CSGALNACT1: variants seen among roughly 807,000 people sequenced by gnomAD.
The protein encoded by CSGALNACT1 is beta4GalNAcT-1.
Under a neutral mutation model 51.0 loss-of-function variants are expected in CSGALNACT1, and 52 were observed. That is an observed-to-expected ratio of 1.02 (90% CI 0.82 to 1.29). The LOEUF is 1.29. Ranked by LOEUF, CSGALNACT1 falls within the 50% of genes most tolerant of loss-of-function variation. The pLI, the probability that CSGALNACT1 is intolerant of heterozygous loss-of-function variation, is 0.00. For synonymous variants in CSGALNACT1, 341 were observed against 254.4 expected, an observed-to-expected ratio of 1.34 and a Z score of -3.24; for missense variants, 935 against 679.2, an observed-to-expected ratio of 1.38 and a Z score of -4.19.
chr8:19,755,704 A>G (rs1325998495), intron 1 of CSGALNACT1, among the ~76,000 whole-genome samples: 1 of 152,180 alleles, frequency 6.6e-6, no homozygotes, highest in African/African-American at 2.4e-5. Context: ...CAAAGACACA[A>G]GCTCACTGCA....
At chr8:19,423,768 A>G (rs1280611714) in intron 6 of CSGALNACT1, among the ~76,000 whole-genome samples, 1 of 152,194 alleles carries the variant, frequency 6.6e-6, no homozygotes, top group East Asian at 1.9e-4. Context: ...GCAAAAGGCA[A>G]TTTGCTTCCT....
chr8:19,492,874 T>C (rs2074657290), intron 4 of CSGALNACT1, among the ~76,000 whole-genome samples: 1 of 152,200 alleles, frequency 6.6e-6, no homozygotes, highest in South Asian at 2.1e-4. Flanking sequence ...GTTTTGTCTG[T>C]TAAACTAATC....
intron 3 of CSGALNACT1, among the ~76,000 whole-genome samples, chr8:19,577,904 T>G (rs2044644272): frequency 6.6e-6 from 1 of 152,148 alleles, no homozygotes; most frequent in Admixed American, 6.5e-5. Context: ...TCACATCACA[T>G]GAGACATCAG....
At chr8:19,527,604 C>T (rs538938586) in intron 3 of CSGALNACT1, among the ~76,000 whole-genome samples, 1 of 152,036 alleles carries the variant, frequency 6.6e-6, no homozygotes, top group Non-Finnish European at 1.5e-5. Context: ...AGTGAGACTC[C>T]ATGTCAAAAA....
intron 5 of CSGALNACT1, chr8:19,457,678 A>C: frequency 7.7e-7 from 1 of 1,301,974 alleles, no homozygotes; most frequent in Non-Finnish European, 1.0e-6. Flanking sequence ...AGGATTTTCT[A>C]TGTTTAAAAC....
At chr8:19,505,372 T>C in exon 4 of CSGALNACT1, 8 of 1,614,180 alleles carry the variant, frequency 5.0e-6, no homozygotes, top group Non-Finnish European at 6.8e-6. Flanking sequence ...TGGTACACCT[T>C]CTGTAGAGTA....
At chr8:19,540,841 T>C (rs2084929798) in intron 3 of CSGALNACT1, among the ~76,000 whole-genome samples, 4 of 152,102 alleles carry the variant, frequency 2.6e-5, no homozygotes. Context: ...CATACATCCT[T>C]CAGTATCAGC....
exon 1 of CSGALNACT1, chr8:19,682,524 G>A (rs371291966): frequency 3.2e-5 from 13 of 409,890 alleles, no homozygotes; most frequent in African/African-American, 8.2e-5. Context: ...GCCCGGGGAC[G>A]TATGGTCTTT....
intron 5 of CSGALNACT1, chr8:19,457,566 T>C: frequency 1.4e-6 from 1 of 739,740 alleles, no homozygotes; most frequent in Non-Finnish European, 2.0e-6. Flanking sequence ...TGAGCAGAGT[T>C]CGTGCCACTG....
intron 1 of CSGALNACT1, among the ~76,000 whole-genome samples, chr8:19,745,400 T>G (rs1398744682): frequency 1.3e-5 from 2 of 152,218 alleles, no homozygotes; most frequent in African/African-American, 4.8e-5. Flanking sequence ...TTTTGATACA[T>G]GCTCACAATG....
At chr8:19,473,893 A>G (rs933814219) in intron 4 of CSGALNACT1, among the ~76,000 whole-genome samples, 4 of 152,198 alleles carry the variant, frequency 2.6e-5, no homozygotes, top group Admixed American at 2.0e-4. Flanking sequence ...ACAGGTCACA[A>G]TTTTCTACTA....
At chr8:19,665,123 TCTC>T (rs760725966) in intron 1 of CSGALNACT1, among the ~76,000 whole-genome samples, 1 of 152,142 alleles carries the variant, frequency 6.6e-6, no homozygotes, top group Non-Finnish European at 1.5e-5. Flanking sequence ...AAGCGATTCT[TCTC>T]CATCAACCTC....
intron 1 of CSGALNACT1, among the ~76,000 whole-genome samples, chr8:19,667,040 G>GAAGGAAGA (rs1564386938): frequency 1.4e-3 from 50 of 34,944 alleles, no homozygotes; most frequent in East Asian, 1.8e-3. Context: ...AGGAAGGAAG[G>GAAGGAAGA]AAGAAAGAAA....
chr8:19,680,288 G>A (rs2060498664), intron 1 of CSGALNACT1, among the ~76,000 whole-genome samples: 1 of 152,186 alleles, frequency 6.6e-6, no homozygotes, highest in Non-Finnish European at 1.5e-5. Flanking sequence ...TGGAATGGTG[G>A]CTCATGTCTG....
At chr8:19,553,214 G>C (rs954963969) in intron 3 of CSGALNACT1, among the ~76,000 whole-genome samples, 6 of 152,018 alleles carry the variant, frequency 3.9e-5, no homozygotes, top group Non-Finnish European at 8.8e-5. Context: ...GTTAAAAAGA[G>C]ATTCCCTAAA....
intron 1 of CSGALNACT1, among the ~76,000 whole-genome samples, chr8:19,736,135 G>A (rs745461129): frequency 1.3e-5 from 2 of 152,178 alleles, no homozygotes; most frequent in Non-Finnish European, 2.9e-5. Context: ...CTTGTCTTTT[G>A]TTTGCAATGT....
chr8:19,513,196 T>G (rs1026193923), intron 3 of CSGALNACT1, among the ~76,000 whole-genome samples: 1 of 151,834 alleles, frequency 6.6e-6, no homozygotes, highest in African/African-American at 2.4e-5. Context: ...ACCAAGACCA[T>G]GCACTAGACA....
chr8:19,542,809 C>T (rs943370540), intron 3 of CSGALNACT1, among the ~76,000 whole-genome samples: 3 of 152,030 alleles, frequency 2.0e-5, no homozygotes, highest in East Asian at 1.9e-4. Context: ...GTTGTTTTAA[C>T]GGCATAAATG....
intron 3 of CSGALNACT1, among the ~76,000 whole-genome samples, chr8:19,560,620 G>T (rs963971642): frequency 1.3e-5 from 2 of 152,130 alleles, no homozygotes; most frequent in African/African-American, 4.8e-5. Context: ...CAGGAAAAAG[G>T]AATCAACCTT....
Sources: gnomAD v4.1 joint callset for allele counts (sites outside exome capture counted in the v4.1 genomes callset) on GRCh38, gnomAD v4.1.1 for gene constraint, MANE v1.5 for transcripts, NCBI Gene and HGNC (gene_info 2026-07-23, HGNC 2026-07-21) for gene names.